The following IGSF10 variants were observed in gnomAD, a reference collection of about 807,000 sequenced individuals.
The protein encoded by IGSF10 is immunoglobulin superfamily member 10.
In IGSF10, 126 loss-of-function variants were observed where a neutral mutation model predicts 128.2. The observed-to-expected ratio is 0.98, with a 90% CI of 0.85 to 1.14. The LOEUF (loss-of-function observed/expected upper bound fraction) is 1.14. Ranked by LOEUF, IGSF10 falls within the 50% of genes most tolerant of loss-of-function variation. IGSF10 has a pLI of 0.00. For missense variants in IGSF10, 3,295 were observed against 3,149.8 expected, an observed-to-expected ratio of 1.05 and a Z score of -1.10; for synonymous variants, 1,185 against 1,146.2, an observed-to-expected ratio of 1.03 and a Z score of -0.68.
the IGSF10 span, among the ~76,000 whole-genome samples, chr3:151,508,180 T>C: frequency 3.3e-5 from 5 of 152,102 alleles, no homozygotes; most frequent in Non-Finnish European, 5.9e-5. Flanking sequence ...AAAATGTGTA[T>C]TAAAAATTTT....
In IGSF10 at chr3:151,436,961, G is replaced by C; in HGVS notation, c.7600C>G (p.Pro2534Ala). Residue 2534 changes from proline to alanine, a missense_variant, in exon 8 of 8, where the codon CCA becomes GCA. By Grantham distance (27) the Pro-to-Ala change is conservative. Coordinates refer to ENST00000282466, the MANE Select transcript of IGSF10 (RefSeq NM_178822.5). ...VAYPPRITNRPPRSIVTRTGA... is the reference protein window; with the variant it reads ...VAYPPRITNRAPRSIVTRTGA... Reference sequence around the variant, plus strand: ...GTCCTGGTGACAATACTCCTGGGTGGACGATTTGTAATTCGGGGAGGGTAG... The same window carrying C: ...GTCCTGGTGACAATACTCCTGGGTGCACGATTTGTAATTCGGGGAGGGTAG... 1 of 1,614,214 alleles carries C rather than the reference G, an allele frequency of 6.2e-7. No homozygotes were observed. The highest frequency in any genetic ancestry group is 8.5e-7 in the Non-Finnish European group (1 of 1,180,024).
At chr3:151,522,793 C>A in the IGSF10 span, among the ~76,000 whole-genome samples, 1 of 152,114 alleles carries the variant, frequency 6.6e-6, no homozygotes, top group Admixed American at 6.6e-5. Flanking sequence ...AGGATGCCCT[C>A]TTTTACCACT....
downstream of IGSF10, chr3:151,432,721 TAATTTTGGTTC>T: frequency 1.3e-6 from 2 of 1,585,730 alleles, no homozygotes; most frequent in Non-Finnish European, 1.7e-6. Context: ...TTTGTGTCTG[TAATTTTGGTTC>T]AATTTATTTT....
intron 7 of IGSF10, chr3:151,440,597 C>G (rs777325496): frequency 1.8e-5 from 8 of 456,612 alleles, no homozygotes; most frequent in South Asian, 9.3e-5. Flanking sequence ...GGCTGGTTCT[C>G]AAGCCTTACG....
the IGSF10 span, among the ~76,000 whole-genome samples, chr3:151,543,429 G>C: frequency 6.6e-6 from 1 of 152,084 alleles, no homozygotes; most frequent in African/African-American, 2.4e-5. Context: ...TGCACAGCTG[G>C]CTCTCCCTTG....
At chr3:151,520,902 A>C in the IGSF10 span, among the ~76,000 whole-genome samples, 1 of 151,656 alleles carries the variant, frequency 6.6e-6, no homozygotes, top group Non-Finnish European at 1.5e-5. Context: ...TGTATAAAAA[A>C]TGGCTAAATG....
At chr3:151,466,606 T>C in the IGSF10 span, among the ~76,000 whole-genome samples, 2 of 152,004 alleles carry the variant, frequency 1.3e-5, no homozygotes, top group Non-Finnish European at 2.9e-5. Flanking sequence ...CGAGATAGAG[T>C]CTCACTCTGT....
At chr3:151,552,977 T>C in the IGSF10 span, among the ~76,000 whole-genome samples, 6 of 152,200 alleles carry the variant, frequency 3.9e-5, no homozygotes, top group African/African-American at 1.2e-4. Flanking sequence ...ATCCAAGTGA[T>C]GACTCCAATA....
chr3:151,499,466 T>A, the IGSF10 span, among the ~76,000 whole-genome samples: 1 of 152,142 alleles, frequency 6.6e-6, no homozygotes, highest in Non-Finnish European at 1.5e-5. Context: ...AAATGGCAAC[T>A]GTGGATTACA....
rs1720317327 is a variant in IGSF10 at position 151,436,878 on chromosome 3, T to TGATTTCTGGCTTGAC, written c.7682_7683insGTCAAGCCAGAAATC (p.Thr2561_Trp2562insSerSerGlnLysSer). 1 of 1,613,904 alleles carries TGATTTCTGGCTTGAC rather than the reference T, an allele frequency of 6.2e-7. No individual in the cohort carries two copies. Among genetic ancestry groups the TGATTTCTGGCTTGAC allele is most frequent in the African/African-American group, 1.3e-5 (1 of 74,894 alleles). ...GAAGGGAGTGGTCAGGCATCTCCCA[T>TGATTTCTGGCTTGAC]GTGATTTCTGGCTTGGGAACTCCCA... On this transcript the variant is annotated inframe_insertion, in exon 8 of 8. Transcript: ENST00000282466.
chr3:151,439,540 G>A (rs1396023784), intron 7 of IGSF10, among the ~76,000 whole-genome samples: 1 of 147,658 alleles, frequency 6.8e-6, no homozygotes. Context: ...CTTGAACCCA[G>A]GAGGCTGGGG....
chr3:151,580,017 A>G, the IGSF10 span, among the ~76,000 whole-genome samples: 3 of 152,154 alleles, frequency 2.0e-5, no homozygotes, highest in African/African-American at 7.2e-5. Context: ...AGAAACAAAA[A>G]TAAGAATTGC....
chr3:151,496,549 T>C, the IGSF10 span, among the ~76,000 whole-genome samples: 1 of 21,972 alleles, frequency 4.6e-5, no homozygotes, highest in Non-Finnish European at 7.8e-5. Context: ...CTGCATAGTA[T>C]TCCATGGTTT....
At chr3:151,597,626 C>T in the IGSF10 span, among the ~76,000 whole-genome samples, 11 of 152,176 alleles carry the variant, frequency 7.2e-5, no homozygotes, top group Non-Finnish European at 4.4e-5. Flanking sequence ...CTAAAAACTA[C>T]ACAACACAGG....
At chr3:151,458,063 T>C (rs1438515521) in intron 3 of IGSF10, among the ~76,000 whole-genome samples, 1 of 152,060 alleles carries the variant, frequency 6.6e-6, no homozygotes, top group Admixed American at 6.6e-5. Flanking sequence ...GCATCCATTT[T>C]AAATAAGTTT....
At chr3:151,472,618 T>C in the IGSF10 span, among the ~76,000 whole-genome samples, 2 of 152,132 alleles carry the variant, frequency 1.3e-5, no homozygotes, top group East Asian at 3.9e-4. Context: ...TCAGATCCAC[T>C]TTTATTGGAA....
chr3:151,474,898 A>T, the IGSF10 span, among the ~76,000 whole-genome samples: 3 of 152,146 alleles, frequency 2.0e-5, no homozygotes, highest in African/African-American at 4.8e-5. Context: ...TATCATGAGA[A>T]CAACATGGGA....
chr3:151,559,297 G>C, the IGSF10 span, among the ~76,000 whole-genome samples: 1 of 152,132 alleles, frequency 6.6e-6, no homozygotes. Flanking sequence ...AAATTCCCTA[G>C]CAGTACCACA....
the IGSF10 span, among the ~76,000 whole-genome samples, chr3:151,495,867 T>C: frequency 1.3e-5 from 2 of 152,168 alleles, no homozygotes; most frequent in African/African-American, 4.8e-5. Context: ...TATGTACATC[T>C]GCACCAGGCT....
Sources: allele counts gnomAD v4.1 joint callset (sites outside exome capture counted in the v4.1 genomes callset), GRCh38; gene constraint gnomAD v4.1.1; transcripts MANE v1.5; gene names NCBI Gene and HGNC (gene_info 2026-07-23, HGNC 2026-07-21).